Variants in PCDHA2 observed in about 807,000 individuals in gnomAD.
PCDHA2 encodes the protein protocadherin alpha 2.
A neutral mutation model predicts 66.0 loss-of-function variants in PCDHA2; 58 were observed. That is an observed-to-expected ratio of 0.88 (90% CI 0.71 to 1.09). The LOEUF is 1.09. Among genes scored for constraint, PCDHA2 ranks in the 50% least tolerant of loss-of-function variants. PCDHA2 has a pLI of 0.00. For synonymous variants in PCDHA2, 634 were observed against 554.0 expected (o/e 1.14, Z -2.03); for missense variants, 1,267 against 1,242.3 (o/e 1.02, Z -0.30).
At chr5:140,873,665 A>G (rs1554166831) in intron 1 of PCDHA2, among the ~76,000 whole-genome samples, 1 of 152,034 alleles carries the variant, frequency 6.6e-6, no homozygotes. Flanking sequence ...CACTATTATT[A>G]TTTGTTTCTT....
chr5:140,866,633 G>A (rs900221819), intron 1 of PCDHA2: 71 of 152,170 alleles, frequency 4.7e-4, no homozygotes, highest in African/African-American at 1.6e-3. Flanking sequence ...TTCTGACAAC[G>A]GTGTCAAAAT....
intron 1 of PCDHA2, among the ~76,000 whole-genome samples, chr5:140,826,052 T>C (rs2150142347): frequency 8.5e-5 from 13 of 152,216 alleles, no homozygotes; most frequent in Non-Finnish European, 1.8e-4. Flanking sequence ...GCTTTGCCTG[T>C]TTCTTTTATT....
intron 1 of PCDHA2, among the ~76,000 whole-genome samples, chr5:140,919,753 T>C (rs1386045187): frequency 6.6e-6 from 1 of 152,212 alleles, no homozygotes; most frequent in Non-Finnish European, 1.5e-5. Flanking sequence ...ATTTCTCTTC[T>C]GCCTTTTGTA....
chr5:140,994,149 G>A (rs1299780463), intron 3 of PCDHA2, among the ~76,000 whole-genome samples: 2 of 152,174 alleles, frequency 1.3e-5, no homozygotes, highest in Non-Finnish European at 2.9e-5. Context: ...TACGTAGGTA[G>A]GGTCAACGAA....
At chr5:140,862,667 AG>A in intron 1 of PCDHA2, 1 of 548,534 alleles carries the variant, frequency 1.8e-6, no homozygotes, top group Admixed American at 1.9e-5. Context: ...CGGGACGCGC[AG>A]GAGAACGTGC....
chr5:140,845,658 T>C (rs1779972804), intron 1 of PCDHA2, among the ~76,000 whole-genome samples: 2 of 149,686 alleles, frequency 1.3e-5, no homozygotes, highest in South Asian at 4.2e-4. Context: ...CCAATTTTTG[T>C]ATGTGTAGCC....
At chr5:141,008,512 C>A (rs1006553111) in intron 3 of PCDHA2, among the ~76,000 whole-genome samples, 2 of 152,094 alleles carry the variant, frequency 1.3e-5, no homozygotes, top group Non-Finnish European at 2.9e-5. Context: ...GGTGTGTCTT[C>A]CAATCAGACT....
Position 140,982,613 on chromosome 5 carries a change from A to G in PCDHA2, c.2536+50A>G, listed in dbSNP as rs201150239. ...CTTTCTTGGTTTCTGGAAAGTGATC[A>G]GATGACCTACTTTTGTAAGATCAGG... On this transcript the variant is annotated intron_variant, in intron 3 of 3. Transcript: ENST00000526136. 2.7e-5 allele frequency: 43 copies of G among 1,599,298 alleles called. No individual in the cohort carries two copies. The Admixed American group carries it at 7.0e-4, about 26-fold the overall frequency.
rs112749867 is a variant in PCDHA2 at position 140,870,111 on chromosome 5, G to T, written c.2388+72759G>T. On this transcript the variant is annotated intron_variant, in intron 1 of 3. Coordinates refer to ENST00000526136, the MANE Select transcript of PCDHA2 (RefSeq NM_018905.3). ...CAATGGCAGGTCACTGTACAGTCTG[G>T]GTGGAAATCTTGGACACCAACGATA... is the stretch of plus-strand genomic sequence containing the variant. 32 of 1,613,880 alleles carry T rather than the reference G, an allele frequency of 2.0e-5. 1 individual carries two copies. In the African/African-American group the frequency reaches 2.0e-4, roughly 10 times the overall value.
At chr5:140,856,776 G>A in intron 1 of PCDHA2, 1 of 1,596,678 alleles carries the variant, frequency 6.3e-7, no homozygotes, top group Non-Finnish European at 8.6e-7. Context: ...ATCTTTGACA[G>A]ACCGGTTTAT....
At position 140,871,233 on chromosome 5, in the gene PCDHA2, G is replaced by A. The variant is rs1277389723; in HGVS notation, c.2388+73881G>A. 5 of 1,613,838 alleles carry A rather than the reference G, an allele frequency of 3.1e-6. No individual in the cohort carries two copies. The African/African-American group carries it at 6.7e-5, about 22-fold the overall frequency. On this transcript the variant is annotated intron_variant, in intron 1 of 3. Transcript: ENST00000526136. ...CCATCTGCGTGGTGTCCAGCCTCCT[G>A]GTACTCACGCTGCTGCTGTATACGG...
At chr5:140,862,736 T>C in intron 1 of PCDHA2, 1 of 575,338 alleles carries the variant, frequency 1.7e-6, no homozygotes, top group South Asian at 1.4e-5. Flanking sequence ...TCTAGCTATG[T>C]GTGGGTGCAC....
At chr5:140,882,567 C>T (rs1554174625) in intron 1 of PCDHA2, 12 of 1,614,092 alleles carry the variant, frequency 7.4e-6, no homozygotes, top group East Asian at 2.2e-5. Context: ...GGGCGGAGCG[C>T]GGAGTGCAGC....
chr5:140,868,938 T>A (rs2050744008), intron 1 of PCDHA2: 1 of 1,227,724 alleles, frequency 8.1e-7, no homozygotes, highest in Non-Finnish European at 1.1e-6. Flanking sequence ...AAGGTTGGTC[T>A]GAACAGTGAG....
chr5:140,828,197 C>A, intron 1 of PCDHA2: 1 of 1,614,076 alleles, frequency 6.2e-7, no homozygotes, highest in Non-Finnish European at 8.5e-7. Context: ...CTACTCCGTA[C>A]CCGAGGAGGC....
chr5:140,843,840 A>G, intron 1 of PCDHA2: 2 of 1,049,820 alleles, frequency 1.9e-6, no homozygotes, highest in South Asian at 1.6e-5. Flanking sequence ...TTTAGTTTTT[A>G]GAAACCTTTT....
intron 1 of PCDHA2, among the ~76,000 whole-genome samples, chr5:140,885,740 GTTACT>G (rs1554182262): frequency 2.6e-5 from 4 of 152,016 alleles, no homozygotes; most frequent in African/African-American, 9.7e-5. Context: ...ATATTTCACT[GTTACT>G]TTAATTTTAA....
intron 1 of PCDHA2, among the ~76,000 whole-genome samples, chr5:140,977,651 G>T (rs1554238723): frequency 6.6e-6 from 1 of 152,136 alleles, no homozygotes; most frequent in East Asian, 1.9e-4. Flanking sequence ...CCTTGACTTT[G>T]GCTAATTCTC....
At chr5:140,848,364 G>T in intron 1 of PCDHA2, 1 of 1,077,714 alleles carries the variant, frequency 9.3e-7, no homozygotes, top group South Asian at 1.6e-5. Flanking sequence ...CCATGGGAAA[G>T]AGGCTCAATT....
Sources: allele counts gnomAD v4.1 joint callset (sites outside exome capture counted in the v4.1 genomes callset), GRCh38; gene constraint gnomAD v4.1.1; transcripts MANE v1.5; gene names NCBI Gene and HGNC (gene_info 2026-07-23, HGNC 2026-07-21).